The following WDFY4 variants were observed in gnomAD, a reference collection of about 807,000 sequenced individuals.
WDFY4 encodes WDFY family member 4, also known as WD repeat- and FYVE domain-containing protein 4.
A neutral mutation model predicts 351.9 loss-of-function variants in WDFY4; 169 were observed. That is an observed-to-expected ratio of 0.48 (90% CI 0.42 to 0.55). The LOEUF (loss-of-function observed/expected upper bound fraction) is 0.55, where lower values mean the gene tolerates loss of function less well. WDFY4 is among the 20% of genes least tolerant of loss of function. WDFY4 has a pLI of 0.00. For missense variants in WDFY4, 3,803 were observed against 3,935.6 expected (o/e 0.97, Z 0.90); for synonymous variants, 1,622 against 1,574.6 (o/e 1.03, Z -0.71).
At position 48,970,216 on chromosome 10, in the gene WDFY4, G is replaced by T. The variant is rs1433716108; in HGVS notation, c.8855G>T (p.Gly2952Val). 6.4e-7 allele frequency: 1 copy of T among 1,551,698 alleles called. No individual in the cohort carries two copies. Among genetic ancestry groups the T allele is most frequent in the Non-Finnish European group, 8.7e-7 (1 of 1,147,012 alleles). The change falls in exon 57 of 62, where the codon GGG becomes GTG. Residue 2952 changes from glycine to valine, a missense_variant. Gly to Val is a moderately radical substitution (Grantham distance 109, BLOSUM62 -3). This residue lies in a region of WDFY4 where 3,054 missense variants were observed against 3,148.6 expected (regional missense o/e 0.97). Transcript: ENST00000325239. ...CPSPTTIVTS[G>V]TSTVVCVWEL... is the part of the protein sequence containing the mutation. ...TCCCCAACAACGATTGTCACCTCTG[G>T]GACCAGCACTGTGGTGTGTGTGTGG...
chr10:48,888,769 A>C (rs1390231896), intron 43 of WDFY4, among the ~76,000 whole-genome samples: 4 of 152,210 alleles, frequency 2.6e-5, no homozygotes, highest in Admixed American at 1.3e-4. Context: ...TCCAGAACTT[A>C]CAAGTTTCCA....
At chr10:48,757,768 T>C (rs1201509544) in intron 12 of WDFY4, among the ~76,000 whole-genome samples, 1 of 151,476 alleles carries the variant, frequency 6.6e-6, no homozygotes, top group Non-Finnish European at 1.5e-5. Context: ...TGTCTCTCCT[T>C]TTTTTTTAGT....
chr10:48,722,720 G>A (rs187602346), intron 4 of WDFY4, among the ~76,000 whole-genome samples: 48 of 152,266 alleles, frequency 3.2e-4, no homozygotes, highest in Non-Finnish European at 5.6e-4. Context: ...ACGTGCGTGC[G>A]CACACACGCA....
chr10:48,753,038 C>G (rs2065230569), intron 12 of WDFY4, among the ~76,000 whole-genome samples: 1 of 151,722 alleles, frequency 6.6e-6, no homozygotes, highest in East Asian at 1.9e-4. Context: ...ATTTATTTCC[C>G]TTTAAAAAAT....
At chr10:48,789,773 C>T in intron 21 of WDFY4, 101 bp from the exon 22 acceptor site, 3 of 1,053,604 alleles carry the variant, frequency 2.8e-6, no homozygotes, top group Non-Finnish European at 4.3e-6. Flanking sequence ...GGAGTGTCAG[C>T]ACTGGGCCAG....
At chr10:48,721,086 C>T (rs2064070453) in intron 3 of WDFY4, among the ~76,000 whole-genome samples, 175 bp from the exon 4 acceptor site, 1 of 152,134 alleles carries the variant, frequency 6.6e-6, no homozygotes, top group Admixed American at 6.6e-5. Flanking sequence ...GGAGATTAGT[C>T]TGGCAGGGTG....
At chr10:48,801,913 T>A (rs2067100185) in intron 24 of WDFY4, among the ~76,000 whole-genome samples, 1 of 152,076 alleles carries the variant, frequency 6.6e-6, no homozygotes, top group African/African-American at 2.4e-5. Context: ...ATTGACCCTA[T>A]GGGTCACTAT....
chr10:48,752,255 G>A (rs773313719), intron 12 of WDFY4, among the ~76,000 whole-genome samples: 11 of 152,164 alleles, frequency 7.2e-5, no homozygotes, highest in African/African-American at 2.7e-4. Context: ...TAGATTTCCC[G>A]AATCACAAAT....
chr10:48,953,333 T>TCTCTCA (rs771339557), intron 51 of WDFY4, among the ~76,000 whole-genome samples: 199 of 128,226 alleles, frequency 1.6e-3, no homozygotes, highest in East Asian at 6.0e-3. Flanking sequence ...TCTCTCTCTC[T>TCTCTCA]CACACACACA....
intron 18 of WDFY4, among the ~76,000 whole-genome samples, chr10:48,779,633 C>A (rs1201530816): frequency 1.3e-5 from 2 of 152,154 alleles, no homozygotes. Flanking sequence ...GGCTGTATGA[C>A]CTTGGGCAAG....
intron 39 of WDFY4, among the ~76,000 whole-genome samples, chr10:48,839,932 A>G (rs1016496316): frequency 2.0e-5 from 3 of 152,244 alleles, no homozygotes; most frequent in Admixed American, 1.3e-4. Flanking sequence ...CAATGCTGCC[A>G]AGGACCTCTT....
chr10:48,686,315 CAAAAAAAAAA>C (rs371080036), intron 1 of WDFY4, among the ~76,000 whole-genome samples: 1 of 99,100 alleles, frequency 1.0e-5, no homozygotes, highest in Admixed American at 1.1e-4. Flanking sequence ...ACTCCATCTC[CAAAAAAAAAA>C]AAAAAAAAGA....
chr10:48,749,097 A>G (rs2065101109), intron 12 of WDFY4, among the ~76,000 whole-genome samples: 2 of 152,208 alleles, frequency 1.3e-5, no homozygotes, highest in Admixed American at 1.3e-4. Context: ...CTTCCTAAGC[A>G]TGTGTGCGCC....
rs1274021568 is a variant in WDFY4 at position 48,684,875 on chromosome 10, A to G, written c.-144A>G. 6.6e-6 allele frequency: 1 copy of G among 152,324 alleles called. No homozygotes were observed. Among genetic ancestry groups the G allele is most frequent in the Non-Finnish European group, 1.5e-5 (1 of 68,108 alleles). 9.4% of individuals were successfully genotyped at this position (152,324 alleles called of 1,614,324 possible). Reference sequence around the variant, plus strand: ...CAGAGACCCAGCTCCAGTGATTCAGAGTGAAACGGCGCTGAGGACTGACGA... The same window carrying G: ...CAGAGACCCAGCTCCAGTGATTCAGGGTGAAACGGCGCTGAGGACTGACGA... On this transcript the variant is annotated 5_prime_UTR_variant, in exon 1 of 62. Coordinates refer to ENST00000325239, the MANE Select transcript of WDFY4 (RefSeq NM_001394531.1).
intron 39 of WDFY4, among the ~76,000 whole-genome samples, chr10:48,859,072 T>G (rs182478211): frequency 3.5e-4 from 53 of 152,308 alleles, no homozygotes; most frequent in Non-Finnish European, 6.3e-4. Context: ...GCATTTTTTT[T>G]GTAAATACCT....
At chr10:48,775,845 G>T (rs1871604) in intron 15 of WDFY4, 39 bp downstream of exon 15, 1,413,589 of 1,512,452 alleles carry the variant, frequency 0.93, 661,832 homozygotes, top group East Asian at 1. Context: ...TTAATGGGAA[G>T]TAAAAGATGA....
At chr10:48,711,405 C>T (rs554520974) in intron 2 of WDFY4, among the ~76,000 whole-genome samples, 3 of 152,268 alleles carry the variant, frequency 2.0e-5, no homozygotes, top group African/African-American at 7.2e-5. Context: ...GACAGTCTTA[C>T]CCCAGTTCCC....
In WDFY4 at chr10:48,820,335, C is replaced by T. The variant is rs1047405336; in HGVS notation, c.5607C>T (p.Pro1869=). ...TCCAGGCTCCCACCAAGGCACATCC[C>T]GCCCGGAGGAAGCTGAGGGAGTTCA... The part of the protein sequence containing the change: ...EGLQAPTKAH[P]ARRKLREFTQ... The change falls in exon 33 of 62, where the codon CCC becomes CCT. Residue 1869 remains proline, a synonymous_variant. Coordinates refer to ENST00000325239, the MANE Select transcript of WDFY4 (RefSeq NM_001394531.1). 63 of 1,551,522 alleles carry T rather than the reference C, an allele frequency of 4.1e-5. No homozygotes were observed. Among genetic ancestry groups the T allele is most frequent in the Non-Finnish European group, 5.1e-5 (59 of 1,146,986 alleles).
intron 53 of WDFY4, among the ~76,000 whole-genome samples, chr10:48,961,611 G>C (rs1841863285): frequency 6.6e-6 from 1 of 152,144 alleles, no homozygotes; most frequent in South Asian, 2.1e-4. Flanking sequence ...GTGGAATGAA[G>C]GCAAAAATTT....
Sources: gnomAD v4.1 joint callset for allele counts (sites outside exome capture counted in the v4.1 genomes callset) on GRCh38, gnomAD v4.1.1 for gene constraint, gnomAD v4.1.1 regional missense constraint, MANE v1.5 for transcripts, NCBI Gene and HGNC (gene_info 2026-07-23, HGNC 2026-07-21) for gene names.